CCDC91: variants seen among roughly 807,000 people sequenced by gnomAD.
The protein encoded by CCDC91 is coiled-coil domain containing 91, also known as coiled-coil domain-containing protein 91.
CCDC91 carries 48 observed loss-of-function variants against 63.2 expected under a neutral mutation model. That is an observed-to-expected ratio of 0.76 (90% CI 0.60 to 0.97). The LOEUF is 0.97. CCDC91 is among the 50% of genes least tolerant of loss of function. CCDC91 has a pLI of 0.00. For synonymous variants in CCDC91, 167 were observed against 165.8 expected (o/e 1.01, Z -0.06); for missense variants, 500 against 494.6 (o/e 1.01, Z -0.10).
intron 3 of CCDC91, among the ~76,000 whole-genome samples, chr12:28,293,299 A>C (rs777600027): frequency 6.6e-6 from 1 of 152,230 alleles, no homozygotes; most frequent in Non-Finnish European, 1.5e-5. Context: ...CAAGCTTTAT[A>C]TTGAAGGTTC....
intron 6 of CCDC91, among the ~76,000 whole-genome samples, chr12:28,312,274 A>G (rs1939405171): frequency 1.3e-5 from 2 of 151,968 alleles, no homozygotes; most frequent in South Asian, 4.1e-4. Flanking sequence ...GCATAAAAAT[A>G]TATGGATAAT....
chr12:28,333,691 AAAAT>A (rs1941697694), intron 6 of CCDC91, among the ~76,000 whole-genome samples: 2 of 152,116 alleles, frequency 1.3e-5, no homozygotes, highest in Non-Finnish European at 2.9e-5. Flanking sequence ...CCTGTACTTG[AAAAT>A]CTATTCTTGA....
intron 1 of CCDC91, among the ~76,000 whole-genome samples, chr12:28,241,087 G>A (rs1046949794): frequency 2.0e-5 from 3 of 152,112 alleles, no homozygotes; most frequent in African/African-American, 7.2e-5. Context: ...TGCTAGTCTG[G>A]TAGGTATGTG....
At chr12:28,269,913 T>A (rs1485484336) in intron 3 of CCDC91, among the ~76,000 whole-genome samples, 2 of 152,234 alleles carry the variant, frequency 1.3e-5, no homozygotes, top group East Asian at 3.9e-4. Context: ...AAGTTTTTTT[T>A]AGTCCCAATT....
chr12:28,480,214 A>G (rs1951370248), intron 11 of CCDC91, among the ~76,000 whole-genome samples: 1 of 152,022 alleles, frequency 6.6e-6, no homozygotes, highest in African/African-American at 2.4e-5. Flanking sequence ...CAGATCCCTC[A>G]GTCTTCATCT....
chr12:28,219,468 ATTTT>A (rs752030088), intron 1 of CCDC91, among the ~76,000 whole-genome samples: 1 of 121,616 alleles, frequency 8.2e-6, no homozygotes, highest in Admixed American at 8.2e-5. Context: ...CAGTGTAACC[ATTTT>A]TTTTTTTTTT....
chr12:28,215,424 A>G (rs550601699), intron 1 of CCDC91, among the ~76,000 whole-genome samples: 1 of 152,272 alleles, frequency 6.6e-6, no homozygotes, highest in African/African-American at 2.4e-5. Context: ...CTTACCAAAA[A>G]AGTAGAAAAT....
intron 3 of CCDC91, among the ~76,000 whole-genome samples, chr12:28,283,597 T>C (rs577498793): frequency 6.6e-6 from 1 of 152,220 alleles, no homozygotes; most frequent in South Asian, 2.1e-4. Context: ...TTACCCAAAA[T>C]GCTTGAGACT....
At chr12:28,525,490 A>T in intron 12 of CCDC91, among the ~76,000 whole-genome samples, 1 of 152,020 alleles carries the variant, frequency 6.6e-6, no homozygotes, top group African/African-American at 2.4e-5. Flanking sequence ...AATTTTCTTA[A>T]ATTTATTGAG....
At chr12:28,429,567 A>C (rs1948517929) in intron 8 of CCDC91, among the ~76,000 whole-genome samples, 1 of 152,294 alleles carries the variant, frequency 6.6e-6, no homozygotes, top group African/African-American at 2.4e-5. Flanking sequence ...ATAACAGACC[A>C]GTCAATTCTT....
chr12:28,297,567 A>G (rs1257170605), intron 3 of CCDC91, among the ~76,000 whole-genome samples: 1 of 151,924 alleles, frequency 6.6e-6, no homozygotes, highest in Admixed American at 6.6e-5. Flanking sequence ...AGCAAATTGT[A>G]TCTATACTCT....
chr12:28,437,574 A>G (rs1052530089), intron 8 of CCDC91, among the ~76,000 whole-genome samples: 4 of 152,082 alleles, frequency 2.6e-5, no homozygotes, highest in Non-Finnish European at 2.9e-5. Context: ...TGTTATTTCA[A>G]TATTATGTAC....
intron 1 of CCDC91, among the ~76,000 whole-genome samples, chr12:28,203,483 A>T (rs1424448109): frequency 6.6e-6 from 1 of 152,186 alleles, no homozygotes; most frequent in Admixed American, 6.5e-5. Context: ...ATACAGCTGC[A>T]TATAAGAGAT....
chr12:28,415,788 T>C (rs1947620646), intron 8 of CCDC91, among the ~76,000 whole-genome samples: 2 of 152,026 alleles, frequency 1.3e-5, no homozygotes, highest in South Asian at 4.1e-4. Flanking sequence ...ACAGTCAATA[T>C]AGGAGACATG....
At chr12:28,330,519 T>A (rs1299858161) in intron 6 of CCDC91, among the ~76,000 whole-genome samples, 1 of 152,118 alleles carries the variant, frequency 6.6e-6, no homozygotes, top group African/African-American at 2.4e-5. Flanking sequence ...ATTAGCTGTT[T>A]GTCAGATGGG....
chr12:28,297,336 C>T (rs537872681), intron 3 of CCDC91, among the ~76,000 whole-genome samples: 12 of 151,918 alleles, frequency 7.9e-5, no homozygotes, highest in African/African-American at 2.6e-4. Flanking sequence ...GGTGCTCCTT[C>T]GCCTGTGTCA....
At chr12:28,420,274 C>T (rs1947922212) in intron 8 of CCDC91, among the ~76,000 whole-genome samples, 1 of 152,040 alleles carries the variant, frequency 6.6e-6, no homozygotes, top group African/African-American at 2.4e-5. Flanking sequence ...ATTCAAAGCT[C>T]TAGATGAAAT....
intron 7 of CCDC91, among the ~76,000 whole-genome samples, chr12:28,363,135 A>G (rs1350633137): frequency 6.6e-6 from 1 of 152,140 alleles, no homozygotes; most frequent in African/African-American, 2.4e-5. Flanking sequence ...GTTTTTATTG[A>G]AATAAAATTC....
intron 6 of CCDC91, among the ~76,000 whole-genome samples, chr12:28,361,778 C>G (rs1359649153): frequency 3.4e-5 from 5 of 146,312 alleles, no homozygotes; most frequent in Non-Finnish European, 7.4e-5. Context: ...GGAACTCTTA[C>G]ATACATTTTA....
Sources: gnomAD v4.1 joint callset for allele counts (sites outside exome capture counted in the v4.1 genomes callset) on GRCh38, gnomAD v4.1.1 for gene constraint, MANE v1.5 for transcripts, NCBI Gene and HGNC (gene_info 2026-07-23, HGNC 2026-07-21) for gene names.